ELP3: variants seen among roughly 807,000 people sequenced by gnomAD.
ELP3 encodes elongator acetyltransferase complex subunit 3.
In ELP3, 56 loss-of-function variants were observed where a neutral mutation model predicts 74.9. The ratio of observed to expected loss-of-function variants is 0.75; its 90% CI spans 0.60 to 0.93. The LOEUF is 0.93. Ranked by LOEUF, ELP3 falls within the 40% of genes least tolerant of loss-of-function variation. The pLI, the probability that ELP3 is intolerant of heterozygous loss-of-function variation, is 0.00. For synonymous variants in ELP3, 222 were observed against 239.8 expected (o/e 0.93, Z 0.68); for missense variants, 573 against 686.5 (o/e 0.83, Z 1.85).
At chr8:28,158,544 G>A (rs753729346) in intron 11 of ELP3, 24 bp from the exon 12 acceptor site, 65 of 972,120 alleles carry the variant, frequency 6.7e-5, no homozygotes, top group Admixed American at 3.5e-4. Context: ...CCCCAACCCC[G>A]CTCACGCCAT....
At chr8:28,111,351 T>C (rs1288655002) in intron 6 of ELP3, among the ~76,000 whole-genome samples, 1 of 152,236 alleles carries the variant, frequency 6.6e-6, no homozygotes, top group Non-Finnish European at 1.5e-5. Flanking sequence ...ACAGATTTCC[T>C]TTATTTACAA....
chr8:28,136,004 C>G (rs536434015), intron 9 of ELP3, among the ~76,000 whole-genome samples: 162 of 151,132 alleles, frequency 1.1e-3, no homozygotes, highest in African/African-American at 3.6e-3. Context: ...CTCTGTCACC[C>G]AGGCTGGAGT....
chr8:28,131,282 A>G lies in ELP3; in HGVS notation c.780-996A>G, dbSNP rs531798131. On this transcript the variant is annotated intron_variant, in intron 8 of 14. Transcript: ENST00000256398. ...GTTTGCTTTAGAGCAGGGCTAGGCAATAGACAGTTCAGCAGTGATCAAAAT... is the reference window on the plus strand; with the variant it reads ...GTTTGCTTTAGAGCAGGGCTAGGCAGTAGACAGTTCAGCAGTGATCAAAAT... Among the ~76,000 whole-genome samples, 6 of 152,342 alleles carry G rather than the reference A, an allele frequency of 3.9e-5. No homozygotes were observed. The South Asian group carries it at 1.2e-3, about 32-fold the overall frequency.
chr8:28,141,468 G>GTCCT (rs1813234525), intron 10 of ELP3, among the ~76,000 whole-genome samples: 1 of 152,168 alleles, frequency 6.6e-6, no homozygotes, highest in Admixed American at 6.5e-5. Flanking sequence ...TCTGAACTGG[G>GTCCT]TCCTTTGGCT....
At chr8:28,174,028 G>A (rs560881044) in intron 14 of ELP3, among the ~76,000 whole-genome samples, 87 of 151,934 alleles carry the variant, frequency 5.7e-4, no homozygotes, top group Middle Eastern at 3.4e-3. Flanking sequence ...GATCTATCCC[G>A]GAAAATGTTC....
chr8:28,131,069 T>C (rs777525789), intron 8 of ELP3, among the ~76,000 whole-genome samples: 1 of 152,072 alleles, frequency 6.6e-6, no homozygotes, highest in Non-Finnish European at 1.5e-5. Flanking sequence ...GGAAGGGAGA[T>C]CAGGTACGAG....
At chr8:28,145,420 A>G (rs1165396442) in intron 10 of ELP3, among the ~76,000 whole-genome samples, 1 of 152,260 alleles carries the variant, frequency 6.6e-6, no homozygotes, top group Non-Finnish European at 1.5e-5. Flanking sequence ...TATTTAGTCC[A>G]GATGATTTTT....
At chr8:28,098,399 G>A (rs939029511) in intron 2 of ELP3, among the ~76,000 whole-genome samples, 1 of 151,890 alleles carries the variant, frequency 6.6e-6, no homozygotes, top group Non-Finnish European at 1.5e-5. Context: ...ATTTGCTACA[G>A]GAATAAGTAA....
At chr8:28,137,600 T>A in intron 9 of ELP3, 98 bp from the exon 10 acceptor site, 1 of 1,205,258 alleles carries the variant, frequency 8.3e-7, no homozygotes, top group Admixed American at 2.2e-5. Context: ...CCCCAGGGCC[T>A]ACTGGGTGTG....
At chr8:28,174,412 T>C (rs1159797904) in intron 14 of ELP3, among the ~76,000 whole-genome samples, 4 of 152,136 alleles carry the variant, frequency 2.6e-5, no homozygotes, top group Non-Finnish European at 5.9e-5. Context: ...AATCACTCTA[T>C]GACTCTTTTG....
chr8:28,116,420 C>T (rs183137467), intron 7 of ELP3, among the ~76,000 whole-genome samples: 2 of 152,200 alleles, frequency 1.3e-5, no homozygotes, highest in African/African-American at 2.4e-5. Flanking sequence ...GAGGAGATGG[C>T]GACTGCATTG....
At chr8:28,108,883 T>C (rs969871831) in intron 5 of ELP3, among the ~76,000 whole-genome samples, 6 of 152,128 alleles carry the variant, frequency 3.9e-5, no homozygotes, top group African/African-American at 4.8e-5. Flanking sequence ...GGTTTAGCTG[T>C]GGTCGTTAGG....
chr8:28,110,496 C>T, intron 6 of ELP3, 58 bp downstream of exon 6: 1 of 1,352,430 alleles, frequency 7.4e-7, no homozygotes, highest in Non-Finnish European at 1.0e-6. Context: ...AGTAAGAAGC[C>T]ATTGTTGCTT....
chr8:28,119,295 A>G (rs1272890708), intron 7 of ELP3, among the ~76,000 whole-genome samples: 2 of 152,076 alleles, frequency 1.3e-5, no homozygotes, highest in African/African-American at 4.8e-5. Flanking sequence ...TTTATTTGAA[A>G]CAAAAATTAA....
intron 10 of ELP3, among the ~76,000 whole-genome samples, chr8:28,140,542 T>C (rs1365201333): frequency 6.6e-6 from 1 of 152,182 alleles, no homozygotes; most frequent in African/African-American, 2.4e-5. Flanking sequence ...ATACTGGCAT[T>C]TTCACAGTCA....
intron 14 of ELP3, among the ~76,000 whole-genome samples, chr8:28,169,875 T>G (rs1289822984): frequency 6.6e-6 from 1 of 152,128 alleles, no homozygotes; most frequent in Non-Finnish European, 1.5e-5. Context: ...AAGCTGTTGG[T>G]CTTGGGGCTG....
chr8:28,171,020 T>C (rs192548584), intron 14 of ELP3, among the ~76,000 whole-genome samples: 1 of 152,344 alleles, frequency 6.6e-6, no homozygotes, highest in East Asian at 1.9e-4. Context: ...TCTCAGAATT[T>C]GCTTCCTTGT....
chr8:28,113,443 G>T (rs3213998), intron 7 of ELP3, among the ~76,000 whole-genome samples: 18,360 of 65,484 alleles, frequency 0.28, 1,239 homozygotes, highest in East Asian at 0.58. Context: ...AGAGAGATTC[G>T]CCAAATATGG....
intron 10 of ELP3, among the ~76,000 whole-genome samples, chr8:28,153,679 G>T (rs990216929): frequency 2.0e-5 from 3 of 152,122 alleles, no homozygotes; most frequent in African/African-American, 7.2e-5. Flanking sequence ...TAGGCTCCGT[G>T]GGCGAGTCTC....
Sources: allele counts gnomAD v4.1 joint callset (sites outside exome capture counted in the v4.1 genomes callset), GRCh38; gene constraint gnomAD v4.1.1; transcripts MANE v1.5; gene names NCBI Gene and HGNC (gene_info 2026-07-23, HGNC 2026-07-21).